Variants in BACH2 observed in about 807,000 individuals in gnomAD.
BACH2 encodes the protein transcription regulator protein BACH2.
In BACH2, 5 loss-of-function variants were observed where a neutral mutation model predicts 61.8. That is an observed-to-expected ratio of 0.08 (90% CI 0.04 to 0.17). The LOEUF is 0.17. Among genes scored for constraint, BACH2 ranks in the 10% least tolerant of loss-of-function variants. The probability of loss-of-function intolerance (pLI) is 1.00; values close to 1 mark genes in which losing one functional copy is unlikely to be tolerated. For missense variants in BACH2, 824 were observed against 1,091.1 expected (o/e 0.76, Z 3.45); for synonymous variants, 446 against 440.1 (o/e 1.01, Z -0.17).
rs190293087 is a variant in BACH2, at chr6:90,268,209, T to A, written c.-353+3640A>T. On this transcript the variant is annotated intron_variant, in intron 2 of 8. Coordinates refer to ENST00000257749, the MANE Select transcript of BACH2 (RefSeq NM_021813.4). Reference sequence around the variant, plus strand: ...TTTTTAGAGACGAGGTTTCACCATGTTGGCCAAATTTGCCTCAAACCCCTG... The same window carrying A: ...TTTTTAGAGACGAGGTTTCACCATGATGGCCAAATTTGCCTCAAACCCCTG... 4.8e-4 allele frequency among the ~76,000 whole-genome samples: 73 copies of A among 152,242 alleles called. 1 individual carries two copies. Among genetic ancestry groups the A allele is most frequent in the Non-Finnish European group, 5.9e-5 (4 of 68,016 alleles).
intron 5 of BACH2, among the ~76,000 whole-genome samples, chr6:90,024,718 C>T (rs1400319723): frequency 1.3e-5 from 2 of 152,088 alleles, no homozygotes; most frequent in Admixed American, 6.6e-5. Context: ...GGAAAAATGC[C>T]ATCACATAAC....
At chr6:90,174,963 G>A (rs1767939261) in intron 4 of BACH2, among the ~76,000 whole-genome samples, 1 of 151,532 alleles carries the variant, frequency 6.6e-6, no homozygotes, top group South Asian at 2.1e-4. Flanking sequence ...CAAAATCCAG[G>A]AAAGTAGTTG....
rs191175198 is a variant in BACH2, at chr6:89,999,686, T to C, written c.243+8916A>G. ...TCTTTAAAGCTATTATTAATTTTAA[T>C]TGAAATAGCTAAGAGACTCCATAAT... On this transcript the variant is annotated intron_variant, in intron 6 of 8. Coordinates refer to ENST00000257749, the MANE Select transcript of BACH2 (RefSeq NM_021813.4). Among the ~76,000 whole-genome samples, 3 of 152,250 alleles carry C rather than the reference T, an allele frequency of 2.0e-5. No individual in the cohort carries two copies. In the East Asian group the frequency reaches 5.8e-4, roughly 29 times the overall value.
intron 5 of BACH2, among the ~76,000 whole-genome samples, chr6:90,050,532 T>C (rs1272986959): frequency 6.6e-6 from 1 of 152,158 alleles, no homozygotes; most frequent in African/African-American, 2.4e-5. Flanking sequence ...AATCTAAATG[T>C]CTTCTAGTAT....
chr6:90,165,665 A>G (rs1296691844), intron 4 of BACH2, among the ~76,000 whole-genome samples: 1 of 152,192 alleles, frequency 6.6e-6, no homozygotes, highest in African/African-American at 2.4e-5. Flanking sequence ...CTATACTACA[A>G]GGCTACAGTA....
At chr6:90,281,392 A>G (rs1394221) in intron 1 of BACH2, among the ~76,000 whole-genome samples, 7,887 of 152,296 alleles carry the variant, frequency 0.052, 687 homozygotes, top group African/African-American at 0.18. Flanking sequence ...AAAAACATAG[A>G]CAGTTTTTAA....
intron 4 of BACH2, among the ~76,000 whole-genome samples, chr6:90,098,597 C>T (rs951507581): frequency 6.6e-6 from 1 of 152,160 alleles, no homozygotes; most frequent in African/African-American, 2.4e-5. Flanking sequence ...CGCATAGACA[C>T]AAAACATTTC....
Position 90,111,453 on chromosome 6 carries a change from G to A in BACH2, c.-161-22344C>T, listed in dbSNP as rs12190179. ...TCATAGAATAGCATCTGAGGTGCAG[G>A]CCCAAGCCTGCAAGGCCCTGGCTGC... On this transcript the variant is annotated intron_variant, in intron 4 of 8. Transcript: ENST00000257749. Among the ~76,000 whole-genome samples, 1,117 of 152,310 alleles carry A rather than the reference G, an allele frequency of 7.3e-3. 5 individuals carry two copies. The highest frequency in any genetic ancestry group is 0.019 in the Admixed American group (289 of 15,304).
intron 2 of BACH2, among the ~76,000 whole-genome samples, 166 bp downstream of exon 2, chr6:90,271,683 C>G (rs150001801): frequency 1.3e-5 from 2 of 152,174 alleles, no homozygotes; most frequent in Non-Finnish European, 2.9e-5. Flanking sequence ...TAAAAGTGCA[C>G]GAGATACCAT....
chr6:90,123,692 C>A (rs1179579097), intron 4 of BACH2, among the ~76,000 whole-genome samples: 1 of 146,130 alleles, frequency 6.8e-6, no homozygotes, highest in Admixed American at 6.8e-5. Context: ...ATGGCGTGAA[C>A]CCGGGAGGCG....
At chr6:90,207,530 G>A (rs990742865) in intron 3 of BACH2, among the ~76,000 whole-genome samples, 1 of 152,130 alleles carries the variant, frequency 6.6e-6, no homozygotes, top group South Asian at 2.1e-4. Context: ...ACTGAGAGGA[G>A]AGCAAAATAT....
At chr6:90,143,323 A>G (rs1421265401) in intron 4 of BACH2, among the ~76,000 whole-genome samples, 1 of 152,186 alleles carries the variant, frequency 6.6e-6, no homozygotes, top group Non-Finnish European at 1.5e-5. Flanking sequence ...CTTGCAGTTA[A>G]GAATGCAGTC....
chr6:90,017,203 G>A (rs903242430), intron 5 of BACH2, among the ~76,000 whole-genome samples: 1 of 151,028 alleles, frequency 6.6e-6, no homozygotes, highest in African/African-American at 2.4e-5. Context: ...TTTTCTTTTG[G>A]TACTTTAAAG....
intron 6 of BACH2, among the ~76,000 whole-genome samples, chr6:89,997,619 G>A (rs1487025603): frequency 6.6e-6 from 1 of 152,220 alleles, no homozygotes; most frequent in Non-Finnish European, 1.5e-5. Context: ...ACGCTTGAGG[G>A]TCCTGTCTGT....
At chr6:90,151,321 G>T (rs1190181993) in intron 4 of BACH2, among the ~76,000 whole-genome samples, 1 of 152,006 alleles carries the variant, frequency 6.6e-6, no homozygotes, top group Non-Finnish European at 1.5e-5. Context: ...GTCTTGCTCT[G>T]TTGCCCAGGC....
chr6:90,072,643 C>T (rs934472404), intron 5 of BACH2, among the ~76,000 whole-genome samples: 1 of 152,132 alleles, frequency 6.6e-6, no homozygotes, highest in Non-Finnish European at 1.5e-5. Context: ...GTCATCCAAC[C>T]CCGCCTCTGT....
At chr6:90,053,128 T>C (rs976584308) in intron 5 of BACH2, among the ~76,000 whole-genome samples, 2 of 152,196 alleles carry the variant, frequency 1.3e-5, no homozygotes, top group Non-Finnish European at 2.9e-5. Flanking sequence ...AAACTCTGAT[T>C]ATCTCCTTCC....
At chr6:90,138,053 A>AACACACACAC (rs10602894) in intron 4 of BACH2, among the ~76,000 whole-genome samples, 17 of 143,662 alleles carry the variant, frequency 1.2e-4, no homozygotes, top group Middle Eastern at 3.5e-3. Flanking sequence ...CTAATCATAA[A>AACACACACAC]ACACACACAC....
chr6:90,250,282 G>T (rs1030328674), intron 3 of BACH2, among the ~76,000 whole-genome samples: 1 of 152,140 alleles, frequency 6.6e-6, no homozygotes, highest in Non-Finnish European at 1.5e-5. Context: ...TCTACACTAA[G>T]AATACTATTT....
Sources: allele counts gnomAD v4.1 joint callset (sites outside exome capture counted in the v4.1 genomes callset), GRCh38; gene constraint gnomAD v4.1.1; transcripts MANE v1.5; gene names NCBI Gene and HGNC (gene_info 2026-07-23, HGNC 2026-07-21).